Variants in PDSS1 observed in about 807,000 individuals in gnomAD.
PDSS1 encodes the protein decaprenyl diphosphate synthase subunit 1.
A neutral mutation model predicts 57.5 loss-of-function variants in PDSS1; 43 were observed. The ratio of observed to expected loss-of-function variants is 0.75; its 90% CI spans 0.59 to 0.96. The LOEUF (loss-of-function observed/expected upper bound fraction) is 0.96. PDSS1 is among the 50% of genes least tolerant of loss of function. PDSS1 has a pLI of 0.00. For missense variants in PDSS1, 438 were observed against 527.8 expected, an observed-to-expected ratio of 0.83 and a Z score of 1.67; for synonymous variants, 175 against 191.3, an observed-to-expected ratio of 0.91 and a Z score of 0.70.
intron 1 of PDSS1, among the ~76,000 whole-genome samples, chr10:26,698,903 C>T (rs1389590870): frequency 1.3e-5 from 2 of 152,142 alleles, no homozygotes; most frequent in Non-Finnish European, 2.9e-5. Flanking sequence ...GTGGGAGAAT[C>T]GGTTGAGGCC....
chr10:26,723,693 A>G, intron 6 of PDSS1, 113 bp from the exon 7 acceptor site: 1 of 786,952 alleles, frequency 1.3e-6, no homozygotes, highest in Non-Finnish European at 2.3e-6. Context: ...AAAACCCTGC[A>G]TCCAAGATGA....
At chr10:26,744,146 A>AACT (rs1308934832) in intron 11 of PDSS1, among the ~76,000 whole-genome samples, 1 of 152,186 alleles carries the variant, frequency 6.6e-6, no homozygotes, top group Non-Finnish European at 1.5e-5. Flanking sequence ...TGTAACAAGT[A>AACT]TTTCAGGAAG....
At chr10:26,733,857 C>T (rs1208813106) in intron 8 of PDSS1, among the ~76,000 whole-genome samples, 2 of 151,982 alleles carry the variant, frequency 1.3e-5, no homozygotes, top group East Asian at 3.9e-4. Flanking sequence ...GCCTGTAGTC[C>T]CAGCTACTCA....
At chr10:26,713,003 G>A (rs1299004591) in intron 5 of PDSS1, among the ~76,000 whole-genome samples, 1 of 94,840 alleles carries the variant, frequency 1.1e-5, no homozygotes, top group Non-Finnish European at 2.4e-5. Context: ...TATTAAATTG[G>A]GGATTTTTGC....
chr10:26,713,761 T>A (rs1029754046), intron 5 of PDSS1, among the ~76,000 whole-genome samples: 17 of 152,152 alleles, frequency 1.1e-4, no homozygotes, highest in African/African-American at 3.9e-4. Context: ...ATCCTGAGAC[T>A]TGCCCCCAGA....
rs1219824014 is a variant in PDSS1, at chr10:26,712,784, C to T, written c.467+3016C>T. Among the ~76,000 whole-genome samples, 2 of 97,990 alleles carry T rather than the reference C, an allele frequency of 2.0e-5. 1 individual carries two copies. The highest frequency in any genetic ancestry group is 4.7e-5 in the Non-Finnish European group (2 of 42,326). The allele number at this position is 97,990 out of a possible 152,430, so 64.3% of individuals were successfully genotyped here. On this transcript the variant is annotated intron_variant, in intron 5 of 11. Transcript: ENST00000376215. ...CTAAAGATTCAGGAGCAGCACCATC[C>T]ATGTTCAGTGCCAAGAGAGCCCCTC...
chr10:26,721,966 C>T (rs1835801607), intron 6 of PDSS1, among the ~76,000 whole-genome samples: 1 of 152,180 alleles, frequency 6.6e-6, no homozygotes, highest in Non-Finnish European at 1.5e-5. Context: ...TACAAAACCC[C>T]CCACACACAG....
chr10:26,735,522 A>G lies in PDSS1; in HGVS notation c.969A>G (p.Thr323=). The change falls in exon 10 of 12, where the codon ACA becomes ACG. Residue 323 remains threonine, a synonymous_variant. Transcript: ENST00000376215. ...GTTCTGACCAGATGGGCAAACCAACATCAGCTGATCTGAAGCTCGGGTTAG... is the reference window on the plus strand; with the variant it reads ...GTTCTGACCAGATGGGCAAACCAACGTCAGCTGATCTGAAGCTCGGGTTAG... The part of the protein sequence containing the change: ...TSCSDQMGKP[T]SADLKLGLAT... 1 of 1,614,140 alleles carries G rather than the reference A, an allele frequency of 6.2e-7. No individual in the cohort carries two copies. Among genetic ancestry groups the G allele is most frequent in the Non-Finnish European group, 8.5e-7 (1 of 1,179,962 alleles).
intron 1 of PDSS1, among the ~76,000 whole-genome samples, 159 bp downstream of exon 1, chr10:26,697,999 G>A (rs1441296311): frequency 6.6e-6 from 1 of 151,734 alleles, no homozygotes; most frequent in Non-Finnish European, 1.5e-5. Flanking sequence ...GAGCTGAGGG[G>A]TGCTCGCGGT....
chr10:26,721,745 A>G (rs1835794112), intron 6 of PDSS1, among the ~76,000 whole-genome samples: 1 of 152,160 alleles, frequency 6.6e-6, no homozygotes, highest in African/African-American at 2.4e-5. Context: ...GGGCGGGGGA[A>G]GAGGATCAAG....
Position 26,709,681 on chromosome 10 carries a change from A to G in PDSS1, c.380A>G (p.Tyr127Cys). The change falls in exon 5 of 12, where the codon TAC becomes TGC. Residue 127 changes from tyrosine (Y) to cysteine (C), a missense_variant. Around this residue, in one of 2 missense-constraint regions of PDSS1, gnomAD observed 284 missense variants for 390.7 expected, o/e 0.73. Coordinates refer to ENST00000376215, the MANE Select transcript of PDSS1 (RefSeq NM_014317.5). The part of the protein sequence containing the change: ...STSELKEMSE[Y>C]YFDGKGKAFR... ...TCAGAACTTAAGGAAATGTCTGAGTACTACTTTGATGGGAAAGGGAAAGCC... is the reference window on the plus strand; with the variant it reads ...TCAGAACTTAAGGAAATGTCTGAGTGCTACTTTGATGGGAAAGGGAAAGCC... 1.9e-6 allele frequency: 3 copies of G among 1,613,224 alleles called. No individual in the cohort carries two copies. Among genetic ancestry groups the G allele is most frequent in the Non-Finnish European group, 1.7e-6 (2 of 1,179,128 alleles).
At chr10:26,741,899 G>A (rs1035780228) in intron 10 of PDSS1, among the ~76,000 whole-genome samples, 2 of 152,060 alleles carry the variant, frequency 1.3e-5, no homozygotes, top group African/African-American at 4.8e-5. Context: ...TATTTGAGAC[G>A]GAGTTTCACT....
At chr10:26,728,774 C>CTT (rs33930147) in intron 8 of PDSS1, among the ~76,000 whole-genome samples, 21,685 of 84,422 alleles carry the variant, frequency 0.26, 4,178 homozygotes, top group Middle Eastern at 0.32. Flanking sequence ...TATTCTGTAT[C>CTT]TTTTTTTTTT....
At chr10:26,734,867 A>G (rs1836337281) in intron 8 of PDSS1, 2 of 425,774 alleles carry the variant, frequency 4.7e-6, no homozygotes, top group South Asian at 1.8e-5. Flanking sequence ...GCCGAGTGCT[A>G]GAAGTCAGTA....
chr10:26,712,001 CTTT>C (rs543847648), intron 5 of PDSS1, among the ~76,000 whole-genome samples: 1 of 61,896 alleles, frequency 1.6e-5, no homozygotes, highest in Non-Finnish European at 3.6e-5. Context: ...TTTTCTTTTT[CTTT>C]TTTTTTTTTT....
chr10:26,746,415 C>T lies in PDSS1; in HGVS notation c.1190C>T (p.Ser397Phe). 6.2e-7 allele frequency: 1 copy of T among 1,613,966 alleles called. No homozygotes were observed. The highest frequency in any genetic ancestry group is 8.5e-7 in the Non-Finnish European group (1 of 1,179,844). Residue 397 changes from serine (S) to phenylalanine (F), a missense_variant, in exon 12 of 12, where the codon TCC becomes TTC. Coordinates refer to ENST00000376215, the MANE Select transcript of PDSS1 (RefSeq NM_014317.5). ...AIREISKLRP[S>F]PERDALIQLS... ...AGAGAGATCAGTAAACTTCGACCAT[C>T]CCCAGAAAGAGATGCCCTCATTCAG...
In PDSS1 at chr10:26,709,697, A is replaced by G; in HGVS notation, c.396A>G (p.Lys132=). Residue 132 remains lysine, a synonymous_variant, in exon 5 of 12, where the codon AAA becomes AAG. Transcript: ENST00000376215. ...KEMSEYYFDG[K]GKAFRPIIVA... ...TGTCTGAGTACTACTTTGATGGGAA[A>G]GGGAAAGCCTTTCGACCAATTATTG... The G allele has an allele frequency of 6.2e-7, 1 of 1,613,758 alleles. No individual in the cohort carries two copies. Among genetic ancestry groups the G allele is most frequent in the Non-Finnish European group, 8.5e-7 (1 of 1,179,620 alleles).
At position 26,738,099 on chromosome 10, in the gene PDSS1, C is replaced by T. The variant is rs572652407; in HGVS notation, c.1026+2520C>T. Reference sequence around the variant, plus strand: ...AGGTTAGGCTCTTTTGTGGAATACACTGTAAAACAAGAGATTCTTAGCAAG... The same window carrying T: ...AGGTTAGGCTCTTTTGTGGAATACATTGTAAAACAAGAGATTCTTAGCAAG... On this transcript the variant is annotated intron_variant, in intron 10 of 11. Coordinates refer to ENST00000376215, the MANE Select transcript of PDSS1 (RefSeq NM_014317.5). Among the ~76,000 whole-genome samples, 4 of 152,334 alleles carry T rather than the reference C, an allele frequency of 2.6e-5. No homozygotes were observed. The South Asian group carries it at 8.3e-4, about 32-fold the overall frequency.
At chr10:26,742,810 GACATTA>G (rs1836676409) in intron 11 of PDSS1, among the ~76,000 whole-genome samples, 1 of 152,204 alleles carries the variant, frequency 6.6e-6, no homozygotes, top group Non-Finnish European at 1.5e-5. Context: ...GTAAGGCACA[GACATTA>G]ATATCTTTTA....
Sources: allele counts gnomAD v4.1 joint callset (sites outside exome capture counted in the v4.1 genomes callset), GRCh38; gene constraint gnomAD v4.1.1; regional missense constraint gnomAD v4.1.1; transcripts MANE v1.5; gene names NCBI Gene and HGNC (gene_info 2026-07-23, HGNC 2026-07-21).